The following PHAF1 variants were observed in gnomAD, a reference collection of about 807,000 sequenced individuals.
The protein encoded by PHAF1 is phagophore assembly factor 1.
PHAF1 carries 23 observed loss-of-function variants against 63.1 expected under a neutral mutation model. The ratio of observed to expected loss-of-function variants is 0.36; its 90% CI spans 0.26 to 0.52. The LOEUF (loss-of-function observed/expected upper bound fraction) is 0.52, where lower values mean the gene tolerates loss of function less well. Ranked by LOEUF, PHAF1 falls within the 20% of genes least tolerant of loss-of-function variation. The pLI, the probability that PHAF1 is intolerant of heterozygous loss-of-function variation, is 0.93. For missense variants in PHAF1, 427 were observed against 517.2 expected, an observed-to-expected ratio of 0.83 and a Z score of 1.69; for synonymous variants, 167 against 185.0, an observed-to-expected ratio of 0.90 and a Z score of 0.79.
intron 8 of PHAF1, among the ~76,000 whole-genome samples, chr16:67,139,114 G>T (rs994403607): frequency 6.6e-6 from 1 of 151,956 alleles, no homozygotes; most frequent in Non-Finnish European, 1.5e-5. Flanking sequence ...TAGAGCCAGG[G>T]TTTCACCATG....
chr16:67,142,326 G>A (rs895939363), intron 10 of PHAF1, among the ~76,000 whole-genome samples: 14 of 152,284 alleles, frequency 9.2e-5, no homozygotes, highest in African/African-American at 3.1e-4. Context: ...GAGCAGGCCC[G>A]GAAAAAGCAC....
rs199708531 is a variant in PHAF1 at position 67,145,413 on chromosome 16, C to T, written c.1044C>T (p.Tyr348=). The change falls in exon 13 of 16, where the codon TAC becomes TAT. Residue 348 remains tyrosine (Y), a synonymous_variant. Transcript: ENST00000219139. ...GTCAGACAGAAACATGCACGACCTA[C>T]AGCAAGGTGAGCACCTATCTTCCTA... ...ADGQTETCTT[Y]SKWDNIQELL... is the part of the protein sequence containing the mutation. The T allele has an allele frequency of 7.6e-5, 122 of 1,614,052 alleles. No homozygotes were observed. The highest frequency in any genetic ancestry group is 1.7e-4 in the Admixed American group (10 of 60,002).
chr16:67,139,372 A>C (rs1963720524), intron 8 of PHAF1, among the ~76,000 whole-genome samples: 1 of 99,524 alleles, frequency 1.0e-5, no homozygotes, highest in Admixed American at 1.4e-4. Context: ...TTTTTTTGAG[A>C]CTGTCTCAGT....
At chr16:67,133,839 G>A (rs148044089) in intron 6 of PHAF1, among the ~76,000 whole-genome samples, 3,802 of 152,088 alleles carry the variant, frequency 0.025, 60 homozygotes, top group Admixed American at 0.033. Flanking sequence ...CAGCTACTCA[G>A]GAAGCTGAGG....
At position 67,138,928 on chromosome 16, in the gene PHAF1, T is replaced by G. The variant is rs560739316; in HGVS notation, c.662-1056T>G. 2.4e-4 allele frequency among the ~76,000 whole-genome samples: 36 copies of G among 150,608 alleles called. No individual in the cohort carries two copies. The East Asian group carries it at 4.1e-3, about 17-fold the overall frequency. ...GTTACCATTGAGAGTACTTTTGTAG[T>G]TTTTTTTTAAGACAGTGTCTCACTC... On this transcript the variant is annotated intron_variant, in intron 8 of 15. Coordinates refer to ENST00000219139, the MANE Select transcript of PHAF1 (RefSeq NM_025187.5).
intron 3 of PHAF1, among the ~76,000 whole-genome samples, chr16:67,128,336 G>C (rs1963267085): frequency 2.0e-5 from 3 of 152,184 alleles, no homozygotes. Flanking sequence ...ATCCTCTTCT[G>C]CCTTCTGTGG....
rs1459427606 is a variant in PHAF1 at position 67,134,234 on chromosome 16, A to G, written c.517A>G (p.Ile173Val). Residue 173 changes from isoleucine to valine, a missense_variant, in exon 7 of 16, where the codon ATC becomes GTC. Physicochemically the swap from Ile to Val is conservative, Grantham distance 29. Coordinates refer to ENST00000219139, the MANE Select transcript of PHAF1 (RefSeq NM_025187.5). ...PHGATVKRMY[I>V]YSGNSLQDTK... ...TGGAGCAACTGTAAAACGAATGTACATCTACAGTGGCAACAGCCTGCAGGA... is the reference window on the plus strand; with the variant it reads ...TGGAGCAACTGTAAAACGAATGTACGTCTACAGTGGCAACAGCCTGCAGGA... The G allele has an allele frequency of 1.2e-6, 2 of 1,614,162 alleles. No individual in the cohort carries two copies. Among genetic ancestry groups the G allele is most frequent in the East Asian group, 2.2e-5 (1 of 44,892 alleles).
chr16:67,140,490 A>G (rs1043363525), intron 9 of PHAF1, 21 bp from the exon 10 acceptor site: 8 of 1,520,406 alleles, frequency 5.3e-6, no homozygotes, highest in African/African-American at 1.4e-5. Context: ...ATTTTAATTT[A>G]TGGTTATTTT....
At position 67,146,990 on chromosome 16, in the gene PHAF1, C is replaced by T. The variant is rs565017417; in HGVS notation, c.1183-55C>T. 5 of 1,485,230 alleles carry T rather than the reference C, an allele frequency of 3.4e-6. No homozygotes were observed. In the African/African-American group the frequency reaches 5.5e-5, roughly 16 times the overall value. 92.0% of individuals were successfully genotyped at this position (1,485,230 alleles called of 1,614,324 possible). The stretch of plus-strand genomic sequence containing the variant: ...AACCTCCAGCCCTCATGCACAGGAT[C>T]TGCCTACATCCCTTTACCTCTCCCC... On this transcript the variant is annotated intron_variant, in intron 15 of 15. Transcript: ENST00000219139.
At chr16:67,113,451 CTTTTTTTTT>C (rs1011100173) in intron 1 of PHAF1, among the ~76,000 whole-genome samples, 1 of 139,418 alleles carries the variant, frequency 7.2e-6, no homozygotes, top group African/African-American at 2.6e-5. Context: ...TTTTCTTTTT[CTTTTTTTTT>C]TTTTTTTGAG....
intron 2 of PHAF1, among the ~76,000 whole-genome samples, chr16:67,120,711 C>A (rs557779584): frequency 1.3e-5 from 2 of 151,766 alleles, no homozygotes; most frequent in Non-Finnish European, 2.9e-5. Context: ...GTGACACAGA[C>A]CATGTGCTGC....
At chr16:67,123,184 TC>T (rs1963053595) in intron 2 of PHAF1, among the ~76,000 whole-genome samples, 1 of 149,856 alleles carries the variant, frequency 6.7e-6, no homozygotes, top group South Asian at 2.1e-4. Context: ...CTACCCTTCC[TC>T]CTTTAGTTTT....
chr16:67,112,277 C>G (rs1962546977), intron 1 of PHAF1, among the ~76,000 whole-genome samples: 1 of 150,466 alleles, frequency 6.6e-6, no homozygotes, highest in South Asian at 2.1e-4. Flanking sequence ...GGTGCAGTAA[C>G]TCATGGCTGT....
At chr16:67,126,589 T>G (rs936206297) in intron 3 of PHAF1, among the ~76,000 whole-genome samples, 3 of 148,374 alleles carry the variant, frequency 2.0e-5, no homozygotes, top group African/African-American at 2.6e-5. Context: ...TTTGTTTTTG[T>G]TTTTGGTTTT....
chr16:67,113,087 G>T (rs1057097664), intron 1 of PHAF1, among the ~76,000 whole-genome samples: 4 of 152,170 alleles, frequency 2.6e-5, no homozygotes, highest in Non-Finnish European at 5.9e-5. Flanking sequence ...TTTTTGCCAG[G>T]TGAGGGACAG....
At chr16:67,110,906 G>T (rs1962486195) in intron 1 of PHAF1, among the ~76,000 whole-genome samples, 1 of 152,174 alleles carries the variant, frequency 6.6e-6, no homozygotes, top group Non-Finnish European at 1.5e-5. Flanking sequence ...ACGCCTCGTG[G>T]GTTTAAGCGA....
At chr16:67,118,766 CTTTTTTTTTTT>C (rs910658530) in intron 1 of PHAF1, among the ~76,000 whole-genome samples, 5 of 100,016 alleles carry the variant, frequency 5.0e-5, no homozygotes, top group East Asian at 2.6e-4. Context: ...TGATCTTAAA[CTTTTTTTTTTT>C]TTTTTTTTTT....
rs1881465 is a variant in PHAF1 at position 67,110,464 on chromosome 16, A to G, written c.64+225A>G. On this transcript the variant is annotated intron_variant, in intron 1 of 15. Coordinates refer to ENST00000219139, the MANE Select transcript of PHAF1 (RefSeq NM_025187.5). ...AGCAGGGTCTCTTCTGGGACGGTGG[A>G]ACAGTAGTAGTAAAGACAATAATAG... 0.24 allele frequency among the ~76,000 whole-genome samples: 36,615 copies of G among 151,894 alleles called. 9,293 individuals are homozygous for G. The highest frequency in any genetic ancestry group is 0.65 in the African/African-American group (26,849 of 41,384).
chr16:67,113,981 G>A (rs1000812249), intron 1 of PHAF1, among the ~76,000 whole-genome samples: 1 of 152,132 alleles, frequency 6.6e-6, no homozygotes, highest in Non-Finnish European at 1.5e-5. Context: ...GGAGGCATGA[G>A]CATTTGTGCC....
Sources: gnomAD v4.1 joint callset for allele counts (sites outside exome capture counted in the v4.1 genomes callset) on GRCh38, gnomAD v4.1.1 for gene constraint, MANE v1.5 for transcripts, NCBI Gene and HGNC (gene_info 2026-07-23, HGNC 2026-07-21) for gene names.